Variants in ABCA13 observed in about 807,000 individuals in gnomAD.
ABCA13 encodes ATP binding cassette subfamily A member 13, also known as ATP-binding cassette sub-family A member 13.
A neutral mutation model predicts 478.7 loss-of-function variants in ABCA13; 476 were observed. The ratio of observed to expected loss-of-function variants is 0.99; its 90% CI spans 0.92 to 1.07. The LOEUF is 1.07. Among genes scored for constraint, ABCA13 ranks in the 50% least tolerant of loss-of-function variants. ABCA13 has a pLI of 0.00. For missense variants in ABCA13, 6,060 were observed against 5,910.6 expected (o/e 1.03, Z -0.83); for synonymous variants, 2,252 against 2,158.9 (o/e 1.04, Z -1.20).
intron 22 of ABCA13, 49 bp downstream of exon 22, chr7:48,297,360 T>C: frequency 6.8e-7 from 1 of 1,462,112 alleles, no homozygotes; most frequent in Non-Finnish European, 9.4e-7. Context: ...TAAATTTAGT[T>C]TCTCATGCAA....
chr7:48,621,223 T>C (rs535631182), intron 59 of ABCA13, among the ~76,000 whole-genome samples: 2 of 152,276 alleles, frequency 1.3e-5, no homozygotes, highest in Admixed American at 1.3e-4. Flanking sequence ...TTTGCTTGTG[T>C]TTTTTTCTTT....
chr7:48,403,381 A>G lies in ABCA13; in HGVS notation c.11874-302A>G, dbSNP rs1257539479. Among the ~76,000 whole-genome samples the G allele has an allele frequency of 3.9e-5, 6 of 152,180 alleles. No individual in the cohort carries two copies. In the East Asian group the frequency reaches 9.6e-4, roughly 24 times the overall value. ...TGCAGGGCCCTCCCTGGCAGAAGGTATGAGTGAAATGAGAGACATGCTTCT... is the reference window on the plus strand; with the variant it reads ...TGCAGGGCCCTCCCTGGCAGAAGGTGTGAGTGAAATGAGAGACATGCTTCT... On this transcript the variant is annotated intron_variant, in intron 38 of 61. Transcript: ENST00000435803.
intron 49 of ABCA13, among the ~76,000 whole-genome samples, 193 bp downstream of exon 49, chr7:48,506,583 C>T (rs1218652908): frequency 6.6e-6 from 1 of 152,152 alleles, no homozygotes; most frequent in East Asian, 1.9e-4. Flanking sequence ...AGAGTCAGTA[C>T]ATTGACTGAG....
chr7:48,455,870 T>C (rs896894959), intron 43 of ABCA13, among the ~76,000 whole-genome samples: 8 of 152,228 alleles, frequency 5.3e-5, no homozygotes, highest in African/African-American at 1.9e-4. Flanking sequence ...ACGCAAGAAC[T>C]CAGAGCTTTC....
At chr7:48,562,221 A>T (rs553649838) in intron 55 of ABCA13, among the ~76,000 whole-genome samples, 2 of 151,656 alleles carry the variant, frequency 1.3e-5, no homozygotes, top group South Asian at 4.2e-4. Flanking sequence ...TGGTTGTTTT[A>T]GTGCCACTCT....
At chr7:48,507,839 A>G (rs778838934) in intron 49 of ABCA13, 33 bp from the exon 50 acceptor site, 1 of 1,554,156 alleles carries the variant, frequency 6.4e-7, no homozygotes, top group Non-Finnish European at 8.7e-7. Flanking sequence ...GTTCTTCGTC[A>G]GGTGCCTGAG....
intron 42 of ABCA13, among the ~76,000 whole-genome samples, chr7:48,442,852 A>G (rs949573080): frequency 6.6e-6 from 1 of 152,160 alleles, no homozygotes. Context: ...TTACAATCAT[A>G]AGTTATGGGG....
At chr7:48,268,770 A>C (rs1005733112) in intron 15 of ABCA13, among the ~76,000 whole-genome samples, 11 of 150,312 alleles carry the variant, frequency 7.3e-5, no homozygotes, top group African/African-American at 2.4e-4. Flanking sequence ...ATGGATCAGT[A>C]TATTACATTG....
At chr7:48,557,692 T>A (rs35860070) in intron 55 of ABCA13, among the ~76,000 whole-genome samples, 8,132 of 151,944 alleles carry the variant, frequency 0.054, 242 homozygotes, top group South Asian at 0.086. Context: ...TTTGGTTAAA[T>A]CTGCTTGGTG....
rs1790729585 is a variant in ABCA13, at chr7:48,240,893, C to T, written c.1089C>T (p.Ser363=). Reference sequence around the variant, plus strand: ...TGTTTGTTCAGTGGCAACAGGGTAGCCTGCTTCAGAAGACACTCACAGGCA... The same window carrying T: ...TGTTTGTTCAGTGGCAACAGGGTAGTCTGCTTCAGAAGACACTCACAGGCA... ...QQVFVQWQQG[S]LLQKTLTGMG... Residue 363 remains serine (S), a synonymous_variant, in exon 10 of 62, where the codon AGC becomes AGT. Transcript: ENST00000435803. The T allele has an allele frequency of 6.9e-6, 11 of 1,585,138 alleles. No individual in the cohort carries two copies. The highest frequency in any genetic ancestry group is 9.5e-6 in the Non-Finnish European group (11 of 1,163,164).
chr7:48,554,898 A>G (rs1785649754), intron 55 of ABCA13, among the ~76,000 whole-genome samples: 1 of 150,990 alleles, frequency 6.6e-6, no homozygotes, highest in African/African-American at 2.4e-5. Context: ...ACAGTGGTGA[A>G]GGTGTCCTTG....
At chr7:48,471,886 A>G (rs1752656663) in intron 45 of ABCA13, among the ~76,000 whole-genome samples, 1 of 152,226 alleles carries the variant, frequency 6.6e-6, no homozygotes, top group Admixed American at 6.5e-5. Flanking sequence ...GTAATGATAA[A>G]GAAGCTAGAA....
At chr7:48,603,183 A>G (rs1266218364) in intron 58 of ABCA13, among the ~76,000 whole-genome samples, 1 of 152,150 alleles carries the variant, frequency 6.6e-6, no homozygotes, top group Non-Finnish European at 1.5e-5. Context: ...AAGCAGAGGC[A>G]ATTTGACTTC....
chr7:48,585,678 T>C (rs1789110424), intron 56 of ABCA13, among the ~76,000 whole-genome samples: 1 of 152,192 alleles, frequency 6.6e-6, no homozygotes, highest in Admixed American at 6.5e-5. Context: ...ATTTATTCAG[T>C]TATTTGGGAT....
intron 55 of ABCA13, among the ~76,000 whole-genome samples, chr7:48,556,778 A>T (rs1353997851): frequency 1.3e-5 from 2 of 151,504 alleles, no homozygotes. Context: ...CTGTTTTTTG[A>T]TTGGAGAGTT....
At chr7:48,424,423 G>A (rs184855476) in intron 41 of ABCA13, among the ~76,000 whole-genome samples, 8 of 152,306 alleles carry the variant, frequency 5.3e-5, no homozygotes, top group Admixed American at 5.2e-4. Context: ...AGTTAACATT[G>A]TTGATGGGTT....
rs754515819 is a variant in ABCA13 at position 48,410,670 on chromosome 7, C to T, written c.12221C>T (p.Thr4074Met). Residue 4074 changes from threonine (T) to methionine (M), a missense_variant, in exon 40 of 62, where the codon ACG (threonine) becomes ATG (methionine). By Grantham distance (81) the Thr-to-Met change is moderately conservative. This residue lies in a region of ABCA13 where 1,627 missense variants were observed against 1,571.0 expected (regional missense o/e 1.04). Coordinates refer to ENST00000435803, the MANE Select transcript of ABCA13 (RefSeq NM_152701.5). ...AYGQGLRLTL[T>M]RQPSVLEAHD... Reference sequence around the variant, plus strand: ...GGCCAGGGGCTCCGCCTGACACTCACGAGGCAGGTAAGGAGTGCAACCATT... The same window carrying T: ...GGCCAGGGGCTCCGCCTGACACTCATGAGGCAGGTAAGGAGTGCAACCATT... 16 of 1,612,528 alleles carry T rather than the reference C, an allele frequency of 9.9e-6. No homozygotes were observed. The highest frequency in any genetic ancestry group is 1.6e-4 in the Middle Eastern group (1 of 6,070).
intron 1 of ABCA13, among the ~76,000 whole-genome samples, chr7:48,178,532 T>A (rs892205547): frequency 1.3e-5 from 2 of 151,474 alleles, no homozygotes; most frequent in African/African-American, 4.9e-5. Flanking sequence ...AAAAATAGCC[T>A]GGCATGGTGG....
In ABCA13 at chr7:48,278,598, CAG is replaced by C. The variant is rs1359097174; in HGVS notation, c.7407_7408del (p.Arg2469SerfsTer7). ...TAAATAATTCATTCCCTCTAAGAAA[CAG>C]AGCAACATTAGAAATTACTAAGAGA... Reference protein sequence around the residue: ...FINNSFPLRNRATLEITKRLV... With the variant: ...FINNSFPLRNXATLEITKRLV... On this transcript the variant is annotated frameshift_variant, in exon 18 of 62. Transcript: ENST00000435803. LOFTEE classifies it high-confidence loss of function. 3 of 1,613,844 alleles carry C rather than the reference CAG, an allele frequency of 1.9e-6. No homozygotes were observed. The Admixed American group carries it at 5.0e-5, about 27-fold the overall frequency.
Sources: allele counts gnomAD v4.1 joint callset (sites outside exome capture counted in the v4.1 genomes callset), GRCh38; gene constraint gnomAD v4.1.1; regional missense constraint gnomAD v4.1.1; transcripts MANE v1.5; gene names NCBI Gene and HGNC (gene_info 2026-07-23, HGNC 2026-07-21).